Variants in CDH23 observed in about 807,000 individuals in gnomAD.
CDH23 encodes the protein cadherin-23.
Under a neutral mutation model 317.1 loss-of-function variants are expected in CDH23, and 189 were observed. The observed-to-expected ratio is 0.60, with a 90% confidence interval of 0.53 to 0.67. The LOEUF is 0.67. Among genes scored for constraint, CDH23 ranks in the 30% least tolerant of loss-of-function variants. The pLI is 0.00. For synonymous variants in CDH23, 1,839 were observed against 1,876.8 expected (o/e 0.98, Z 0.52); for missense variants, 4,401 against 4,592.4 (o/e 0.96, Z 1.20).
chr10:71,778,288 C>A lies in CDH23; in HGVS notation c.5167C>A (p.Arg1723Ser). 1.2e-6 allele frequency: 2 copies of A among 1,613,946 alleles called. No homozygotes were observed. The highest frequency in any genetic ancestry group is 1.7e-6 in the Non-Finnish European group (2 of 1,179,880). Residue 1723 changes from arginine (R) to serine (S), a missense_variant, in exon 40 of 70, where the codon CGC becomes AGC. Physicochemically the swap from Arg to Ser is moderately radical, Grantham distance 110. Transcript: ENST00000224721. ...AGACCAGTGCCCCATCTTATCCCAC[C>A]GCCTCACCTCTACCACCACGGTGGG... ...ATDQCPILSH[R>S]LTSTTTVLVN...
intron 60 of CDH23, among the ~76,000 whole-genome samples, chr10:71,809,409 C>A (rs1841844104): frequency 6.6e-6 from 1 of 151,960 alleles, no homozygotes; most frequent in African/African-American, 2.4e-5. Flanking sequence ...AAACTCCTGG[C>A]CTCAAGTGAT....
At chr10:71,706,704 C>G (rs1481775575) in intron 25 of CDH23, among the ~76,000 whole-genome samples, 193 bp from the exon 26 acceptor site, 2 of 152,230 alleles carry the variant, frequency 1.3e-5, no homozygotes, top group African/African-American at 2.4e-5. Flanking sequence ...ACTGGTGGGC[C>G]TGGTCCTGGC....
intron 22 of CDH23, among the ~76,000 whole-genome samples, chr10:71,699,602 G>C (rs1865511465): frequency 6.6e-6 from 1 of 152,208 alleles, no homozygotes; most frequent in Admixed American, 6.5e-5. Flanking sequence ...CTTCTTCCTG[G>C]CTCCTGCAGC....
intron 8 of CDH23, among the ~76,000 whole-genome samples, 165 bp from the exon 9 acceptor site, chr10:71,577,749 G>A (rs1445467141): frequency 6.6e-6 from 1 of 152,230 alleles, no homozygotes; most frequent in African/African-American, 2.4e-5. Context: ...GGGAACTGCA[G>A]TGTGTGCCCA....
chr10:71,650,078 G>A (rs978769545), intron 14 of CDH23, among the ~76,000 whole-genome samples: 11 of 152,208 alleles, frequency 7.2e-5, no homozygotes, highest in Non-Finnish European at 1.3e-4. Context: ...GAGCCGGAAA[G>A]TGCTCTCTGC....
intron 52 of CDH23, among the ~76,000 whole-genome samples, chr10:71,800,054 C>T (rs1300863027): frequency 6.6e-6 from 1 of 152,228 alleles, no homozygotes; most frequent in Admixed American, 6.5e-5. Context: ...GAGGATGCCC[C>T]AAAGGGTGCC....
At chr10:71,454,662 C>T (rs1355947765) in intron 3 of CDH23, among the ~76,000 whole-genome samples, 1 of 152,014 alleles carries the variant, frequency 6.6e-6, no homozygotes, top group African/African-American at 2.4e-5. Context: ...ACTGTCTGCC[C>T]CTCCCAGCTA....
chr10:71,443,584 G>A (rs1027785365), intron 2 of CDH23, among the ~76,000 whole-genome samples: 2 of 152,242 alleles, frequency 1.3e-5, no homozygotes, highest in African/African-American at 4.8e-5. Flanking sequence ...TGGCCATGGG[G>A]GTGGCAGAGA....
At chr10:71,567,040 C>T (rs537776299) in intron 7 of CDH23, 104 bp downstream of exon 7, 12 of 1,020,992 alleles carry the variant, frequency 1.2e-5, no homozygotes, top group African/African-American at 4.8e-5. Flanking sequence ...GGCACACACT[C>T]GATGATCTAT....
intron 9 of CDH23, among the ~76,000 whole-genome samples, chr10:71,610,354 A>C (rs1388754948): frequency 6.6e-6 from 1 of 152,180 alleles, no homozygotes; most frequent in African/African-American, 2.4e-5. Flanking sequence ...CCACTCTATG[A>C]AGGATGATGA....
chr10:71,742,982 G>A (rs1018832526), intron 38 of CDH23, among the ~76,000 whole-genome samples: 7 of 152,148 alleles, frequency 4.6e-5, no homozygotes, highest in Admixed American at 1.3e-4. Context: ...GGGGTGACAG[G>A]GACAACTCAT....
At position 71,675,174 on chromosome 10, in the gene CDH23, C is replaced by T. The variant is rs987739864; in HGVS notation, c.1512C>T (p.Asp504=). The T allele has an allele frequency of 6.2e-7, 1 of 1,613,494 alleles. No homozygotes were observed. Among genetic ancestry groups the T allele is most frequent in the Middle Eastern group, 1.7e-4 (1 of 6,058 alleles). ...EVSYFFSDDP[D]RFSLDKDTGL... is the part of the protein sequence containing the mutation. Reference sequence around the variant, plus strand: ...GCTACTTCTTCAGTGATGACCCTGACAGGTGAGACTCTGCCCACAGCCCCT... The same window carrying T: ...GCTACTTCTTCAGTGATGACCCTGATAGGTGAGACTCTGCCCACAGCCCCT... The change falls in exon 15 of 70, where the codon GAC becomes GAT. Residue 504 remains aspartate, a splice_region_variant and synonymous_variant. Coordinates refer to ENST00000224721, the MANE Select transcript of CDH23 (RefSeq NM_022124.6).
intron 3 of CDH23, among the ~76,000 whole-genome samples, chr10:71,472,440 C>T (rs576757823): frequency 5.3e-5 from 8 of 152,352 alleles, no homozygotes; most frequent in East Asian, 3.9e-4. Context: ...CGATTCCCCA[C>T]GTTAAATCCC....
At chr10:71,398,126 C>T (rs1369661876) in intron 1 of CDH23, among the ~76,000 whole-genome samples, 2 of 152,186 alleles carry the variant, frequency 1.3e-5, no homozygotes, top group Admixed American at 6.5e-5. Context: ...CTGGCTTTCT[C>T]GGAGCGGGCA....
At chr10:71,656,188 C>T (rs575743578) in intron 14 of CDH23, among the ~76,000 whole-genome samples, 17 of 152,312 alleles carry the variant, frequency 1.1e-4, no homozygotes, top group African/African-American at 4.1e-4. Flanking sequence ...CTTCCAGGAT[C>T]GCCTGGGCCT....
chr10:71,531,120 C>A (rs909340988), intron 6 of CDH23, among the ~76,000 whole-genome samples: 24 of 152,224 alleles, frequency 1.6e-4, no homozygotes, highest in African/African-American at 5.8e-4. Context: ...GGGATAGGGT[C>A]TATGACAGTT....
rs886047144 is a variant in CDH23, at chr10:71,815,363, G to A, written c.*85G>A. 1.3e-4 allele frequency: 171 copies of A among 1,322,564 alleles called. No homozygotes were observed. Among genetic ancestry groups the A allele is most frequent in the Non-Finnish European group, 1.5e-4 (143 of 985,270 alleles). The allele number at this position is 1,322,564 out of a possible 1,614,324, so 81.9% of individuals were successfully genotyped here. A position where few individuals can be genotyped will look rare whatever the true frequency, so the allele number is the denominator to read the frequency against. On this transcript the variant is annotated 3_prime_UTR_variant, in exon 70 of 70. Transcript: ENST00000224721. ...CAAGGGCAGGGACAGGGCCGGTCGG[G>A]GGGGACCCTCCAAGGCCAGGCCTTG...
intron 11 of CDH23, among the ~76,000 whole-genome samples, chr10:71,618,306 G>T (rs574802915): frequency 6.6e-6 from 1 of 152,194 alleles, no homozygotes; most frequent in South Asian, 2.1e-4. Flanking sequence ...GGAGGCTCAG[G>T]GTGGGGGCAG....
intron 14 of CDH23, among the ~76,000 whole-genome samples, chr10:71,663,214 G>A (rs1404565999): frequency 2.0e-5 from 3 of 152,190 alleles, no homozygotes; most frequent in Non-Finnish European, 4.4e-5. Context: ...CCTTGAAGGT[G>A]TCTTAAGTAG....
Sources: gnomAD v4.1 joint callset for allele counts (sites outside exome capture counted in the v4.1 genomes callset) on GRCh38, gnomAD v4.1.1 for gene constraint, MANE v1.5 for transcripts, NCBI Gene and HGNC (gene_info 2026-07-23, HGNC 2026-07-21) for gene names.